Variants in ANAPC4 observed in about 807,000 individuals in gnomAD.
ANAPC4 encodes the protein anaphase-promoting complex subunit 4.
A neutral mutation model predicts 119.8 loss-of-function variants in ANAPC4; 63 were observed. That is an observed-to-expected ratio of 0.53 (90% confidence interval 0.43 to 0.65). The LOEUF is 0.65. Among genes scored for constraint, ANAPC4 ranks in the 30% least tolerant of loss-of-function variants. The pLI, the probability that ANAPC4 is intolerant of heterozygous loss-of-function variation, is 0.00. For synonymous variants in ANAPC4, 283 were observed against 318.6 expected (o/e 0.89, Z 1.19); for missense variants, 716 against 945.1 (o/e 0.76, Z 3.18).
At chr4:25,391,162 A>C in intron 9 of ANAPC4, 147 bp downstream of exon 9, 1 of 596,842 alleles carries the variant, frequency 1.7e-6, no homozygotes, top group East Asian at 2.9e-5. Flanking sequence ...TAATATACTG[A>C]GTGTTATTAT....
At chr4:25,404,505 G>C (rs1354639302) in intron 17 of ANAPC4, among the ~76,000 whole-genome samples, 1 of 152,086 alleles carries the variant, frequency 6.6e-6, no homozygotes, top group African/African-American at 2.4e-5. Context: ...ACTGTAGTAA[G>C]AATCTAACTG....
At chr4:25,398,236 G>A (rs904675569) in intron 16 of ANAPC4, among the ~76,000 whole-genome samples, 1 of 152,218 alleles carries the variant, frequency 6.6e-6, no homozygotes, top group Admixed American at 6.5e-5. Flanking sequence ...GTAAACATTT[G>A]TTGAGCACTT....
rs773455344 is a variant in ANAPC4, at chr4:25,414,628, ATCT to A, written c.1759_1761del (p.Leu587del). 4 of 1,554,592 alleles carry A rather than the reference ATCT, an allele frequency of 2.6e-6. No homozygotes were observed. Among genetic ancestry groups the A allele is most frequent in the Non-Finnish European group, 3.5e-6 (4 of 1,144,880 alleles). On this transcript the variant is annotated inframe_deletion, in exon 25 of 29. Transcript: ENST00000315368. ...AATAATAAAACTTCAAATCTACATT[ATCT>A]TCTTTTTACTATTCTAGAAGATTCA...
At chr4:25,384,489 G>A (rs1251635617) in intron 4 of ANAPC4, among the ~76,000 whole-genome samples, 6 of 152,146 alleles carry the variant, frequency 3.9e-5, no homozygotes, top group African/African-American at 1.4e-4. Context: ...CAGAGCGATC[G>A]CTATGTCAGC....
intron 21 of ANAPC4, among the ~76,000 whole-genome samples, chr4:25,412,641 C>G (rs1307793309): frequency 1.3e-5 from 2 of 151,916 alleles, no homozygotes; most frequent in African/African-American, 4.8e-5. Context: ...AGTCCTGTTA[C>G]TCGGGACACT....
At chr4:25,391,086 A>G (rs904791088) in intron 9 of ANAPC4, 71 bp downstream of exon 9, 1 of 1,151,132 alleles carries the variant, frequency 8.7e-7, no homozygotes, top group African/African-American at 1.5e-5. Context: ...GTTTTTATCC[A>G]CATCTCACTG....
At chr4:25,416,789 T>C (rs1191500587) in intron 27 of ANAPC4, 191 bp downstream of exon 27, 1 of 387,106 alleles carries the variant, frequency 2.6e-6, no homozygotes, top group African/African-American at 2.1e-5. Context: ...TTTGTCCCTT[T>C]GCTTTACTAG....
intron 4 of ANAPC4, among the ~76,000 whole-genome samples, chr4:25,385,619 C>G (rs1183114335): frequency 6.6e-6 from 1 of 152,190 alleles, no homozygotes; most frequent in Non-Finnish European, 1.5e-5. Context: ...TGGAGTAGCA[C>G]TTTTAATTTC....
intron 17 of ANAPC4, among the ~76,000 whole-genome samples, chr4:25,404,951 T>C (rs1723175119): frequency 6.6e-6 from 1 of 152,038 alleles, no homozygotes; most frequent in Non-Finnish European, 1.5e-5. Context: ...GCAAAAGTAC[T>C]TCTGACTTGC....
chr4:25,395,340 G>C (rs780322297), intron 14 of ANAPC4: 1 of 153,080 alleles, frequency 6.5e-6, no homozygotes, highest in Non-Finnish European at 1.5e-5. Flanking sequence ...AAGTTACTAA[G>C]TGTCGGAGCC....
chr4:25,408,742 G>A (rs564300602), intron 20 of ANAPC4, among the ~76,000 whole-genome samples: 22 of 151,764 alleles, frequency 1.4e-4, no homozygotes, highest in Non-Finnish European at 2.8e-4. Flanking sequence ...CAAGTGATAC[G>A]CCTGCCATGG....
At chr4:25,381,523 G>C (rs888510981) in intron 3 of ANAPC4, among the ~76,000 whole-genome samples, 45 of 152,162 alleles carry the variant, frequency 3.0e-4, no homozygotes, top group African/African-American at 1.1e-3. Flanking sequence ...TGTTGGCCAG[G>C]CTGGTCTCGA....
At chr4:25,400,051 C>T (rs945838876) in intron 16 of ANAPC4, among the ~76,000 whole-genome samples, 10 of 152,050 alleles carry the variant, frequency 6.6e-5, no homozygotes, top group Non-Finnish European at 1.5e-4. Flanking sequence ...ATAAGAGCCA[C>T]CTTAGGGAGT....
chr4:25,383,132 G>C (rs948458256), intron 3 of ANAPC4, 129 bp from the exon 4 acceptor site: 2 of 790,046 alleles, frequency 2.5e-6, no homozygotes, highest in African/African-American at 1.8e-5. Context: ...AATATTGAAG[G>C]ATGTTTAGGT....
chr4:25,378,367 G>A (rs1721524882), intron 2 of ANAPC4, among the ~76,000 whole-genome samples: 1 of 152,228 alleles, frequency 6.6e-6, no homozygotes, highest in Non-Finnish European at 1.5e-5. Context: ...TTAGCACCCT[G>A]CAGACTGTAG....
At chr4:25,412,966 A>C (rs1577400726) in intron 21 of ANAPC4, 1 of 152,290 alleles carries the variant, frequency 6.6e-6, no homozygotes, top group East Asian at 1.9e-4. Context: ...GCACAGTGGA[A>C]GAGGGTGGGC....
chr4:25,391,129 A>C, intron 9 of ANAPC4, 114 bp downstream of exon 9: 2 of 731,670 alleles, frequency 2.7e-6, no homozygotes, highest in Non-Finnish European at 4.4e-6. Context: ...ATGCAAAAAA[A>C]TCGACTTGGA....
chr4:25,379,200 T>G (rs947002531), intron 2 of ANAPC4, among the ~76,000 whole-genome samples: 3 of 151,994 alleles, frequency 2.0e-5, no homozygotes, highest in African/African-American at 4.8e-5. Context: ...AGTGGCTGAG[T>G]GCAGTAGAAG....
intron 10 of ANAPC4, among the ~76,000 whole-genome samples, chr4:25,393,381 G>A (rs1722459976): frequency 6.6e-6 from 1 of 152,146 alleles, no homozygotes; most frequent in African/African-American, 2.4e-5. Context: ...AGTGATTGAG[G>A]CTGGGCACAG....
Sources: gnomAD v4.1 joint callset for allele counts (sites outside exome capture counted in the v4.1 genomes callset) on GRCh38, gnomAD v4.1.1 for gene constraint, MANE v1.5 for transcripts, NCBI Gene and HGNC (gene_info 2026-07-23, HGNC 2026-07-21) for gene names.